The following EXTL3 variants were observed in gnomAD, a reference collection of about 807,000 sequenced individuals.
EXTL3 encodes exostosin-like 3.
Under a neutral mutation model 69.3 loss-of-function variants are expected in EXTL3, and 27 were observed. The ratio of observed to expected loss-of-function variants is 0.39; its 90% CI spans 0.29 to 0.54. EXTL3 has a LOEUF of 0.54. EXTL3 is among the 20% of genes least tolerant of loss of function. The probability of loss-of-function intolerance (pLI) is 0.69; values close to 1 mark genes in which losing one functional copy is unlikely to be tolerated. For synonymous variants in EXTL3, 511 were observed against 499.4 expected (o/e 1.02, Z -0.31); for missense variants, 1,003 against 1,231.8 (o/e 0.81, Z 2.78).
At chr8:28,735,919 T>C (rs1252438128) in intron 4 of EXTL3, among the ~76,000 whole-genome samples, 1 of 152,184 alleles carries the variant, frequency 6.6e-6, no homozygotes, top group African/African-American at 2.4e-5. Flanking sequence ...GGATAAATAC[T>C]GTGGTTCCAT....
At chr8:28,744,794 A>G (rs2130796129) in intron 6 of EXTL3, among the ~76,000 whole-genome samples, 1 of 106,910 alleles carries the variant, frequency 9.4e-6, no homozygotes, top group East Asian at 2.6e-4. Flanking sequence ...CTCCATCTCA[A>G]AAAAAAAAAA....
In EXTL3 at chr8:28,750,729, G is replaced by A. The variant is rs779822953; in HGVS notation, c.2623G>A (p.Glu875Lys). Residue 875 changes from glutamate to lysine, a missense_variant, in exon 7 of 7, where the codon GAG (glutamate) becomes AAG (lysine). Glu to Lys is a moderately conservative substitution (Grantham distance 56). Around this residue, in one of 2 missense-constraint regions of EXTL3, gnomAD observed 261 missense variants for 416.4 expected, o/e 0.63. Coordinates refer to ENST00000220562, the MANE Select transcript of EXTL3 (RefSeq NM_001440.4). This position sits in a 1 kb window ranked among gnomAD's most constrained non-coding sequence, Gnocchi z 5.2. ...GTCTCATGATGACTCCCACTTCCAC[G>A]AGCGGCACAAGTGCATCAACTTCTT... Reference protein sequence around the residue: ...ALSHDDSHFHERHKCINFFVK... With the variant: ...ALSHDDSHFHKRHKCINFFVK... 3.1e-6 allele frequency: 5 copies of A among 1,614,024 alleles called. No homozygotes were observed. The highest frequency in any genetic ancestry group is 1.3e-5 in the African/African-American group (1 of 74,898).
chr8:28,653,883 T>C (rs1461510250), intron 1 of EXTL3, among the ~76,000 whole-genome samples: 1 of 152,178 alleles, frequency 6.6e-6, no homozygotes, highest in African/African-American at 2.4e-5. Flanking sequence ...TCTTAATTCT[T>C]TATGAATTTT....
At chr8:28,707,538 C>G (rs1020819809) in intron 1 of EXTL3, among the ~76,000 whole-genome samples, 33 of 152,226 alleles carry the variant, frequency 2.2e-4, no homozygotes, top group African/African-American at 8.0e-4. Context: ...AGGGATAGTG[C>G]TGTTTGTCTT....
chr8:28,642,765 CT>C (rs909191726), intron 1 of EXTL3, among the ~76,000 whole-genome samples: 3 of 151,598 alleles, frequency 2.0e-5, no homozygotes, highest in African/African-American at 4.8e-5. Context: ...TTACTGTTAA[CT>C]TTTTTTTTAC....
intron 1 of EXTL3, among the ~76,000 whole-genome samples, chr8:28,654,735 T>C (rs1806978717): frequency 6.6e-6 from 1 of 152,238 alleles, no homozygotes; most frequent in African/African-American, 2.4e-5. Flanking sequence ...ACACTTTAGA[T>C]GTTTGACTTT....
At chr8:28,646,499 C>G (rs1044711552) in intron 1 of EXTL3, among the ~76,000 whole-genome samples, 2 of 152,158 alleles carry the variant, frequency 1.3e-5, no homozygotes, top group East Asian at 1.9e-4. Context: ...GTGGAGAATG[C>G]CTTTCTCATT....
chr8:28,664,182 C>A (rs189631841), intron 1 of EXTL3, among the ~76,000 whole-genome samples: 2 of 152,254 alleles, frequency 1.3e-5, no homozygotes, highest in South Asian at 2.1e-4. Flanking sequence ...CCACAGCAGG[C>A]TGGGTGGCTT....
chr8:28,695,251 C>T (rs954985350), intron 1 of EXTL3, among the ~76,000 whole-genome samples: 7 of 151,396 alleles, frequency 4.6e-5, no homozygotes, highest in African/African-American at 1.5e-4. Context: ...GCCTCAGCCT[C>T]CCGAGTAGCT....
intron 2 of EXTL3, among the ~76,000 whole-genome samples, chr8:28,617,583 A>G (rs949355524): frequency 2.0e-5 from 3 of 152,164 alleles, no homozygotes; most frequent in African/African-American, 7.2e-5. Context: ...CAGGGCTTCA[A>G]CACCAGCCTG....
chr8:28,741,830 A>T (rs886889373), intron 5 of EXTL3: 1 of 152,238 alleles, frequency 6.6e-6, no homozygotes, highest in African/African-American at 2.4e-5. Flanking sequence ...GTACTTTGCT[A>T]TAAGATAATT....
intron 1 of EXTL3, among the ~76,000 whole-genome samples, chr8:28,678,693 T>C (rs986966943): frequency 6.6e-6 from 1 of 152,182 alleles, no homozygotes; most frequent in African/African-American, 2.4e-5. Context: ...CCAGCCTTTG[T>C]AGCAACACAA....
At chr8:28,609,787 G>A (rs1806247731) in intron 2 of EXTL3, among the ~76,000 whole-genome samples, 1 of 151,766 alleles carries the variant, frequency 6.6e-6, no homozygotes, top group Non-Finnish European at 1.5e-5. Context: ...CTACTTGGAA[G>A]GTTGAGGTGG....
intron 1 of EXTL3, among the ~76,000 whole-genome samples, chr8:28,643,041 G>C (rs1433945962): frequency 6.6e-6 from 1 of 151,962 alleles, no homozygotes; most frequent in Non-Finnish European, 1.5e-5. Context: ...GGCAGGAGTT[G>C]GAGACCATCC....
At chr8:28,639,202 C>T (rs1262543732) in intron 1 of EXTL3, among the ~76,000 whole-genome samples, 1 of 152,122 alleles carries the variant, frequency 6.6e-6, no homozygotes, top group Admixed American at 6.5e-5. Context: ...TCCCAAAGTG[C>T]TGGGATTACA....
intron 4 of EXTL3, among the ~76,000 whole-genome samples, chr8:28,731,781 C>T (rs1801543426): frequency 2.0e-5 from 3 of 151,962 alleles, no homozygotes. Context: ...AGCAATGGAA[C>T]AGTGCCAGGA....
intron 3 of EXTL3, among the ~76,000 whole-genome samples, chr8:28,720,642 AAG>A (rs1398960869): frequency 2.0e-5 from 3 of 152,162 alleles, no homozygotes; most frequent in African/African-American, 7.2e-5. Context: ...GCTCTGTGTA[AAG>A]AGAACTTCAG....
intron 1 of EXTL3, among the ~76,000 whole-genome samples, chr8:28,639,137 C>T (rs1377427087): frequency 6.6e-6 from 1 of 151,866 alleles, no homozygotes; most frequent in East Asian, 1.9e-4. Context: ...AGGTTTTCAC[C>T]ATGTTGGTCT....
intron 6 of EXTL3, among the ~76,000 whole-genome samples, chr8:28,749,418 G>C (rs1473927976): frequency 6.6e-6 from 1 of 152,138 alleles, no homozygotes; most frequent in Non-Finnish European, 1.5e-5. Context: ...TAGGTGAAAA[G>C]AAAAGGAAGT....
Sources: allele counts gnomAD v4.1 joint callset (sites outside exome capture counted in the v4.1 genomes callset), GRCh38; gene constraint gnomAD v4.1.1; regional missense constraint gnomAD v4.1.1; non-coding constraint Gnocchi (gnomAD v3.1); transcripts MANE v1.5; gene names NCBI Gene and HGNC (gene_info 2026-07-23, HGNC 2026-07-21).